CMSS1: variants seen among roughly 807,000 people sequenced by gnomAD.
The protein encoded by CMSS1 is protein CMSS1.
Under a neutral mutation model 43.5 loss-of-function variants are expected in CMSS1, and 33 were observed. That is an observed-to-expected ratio of 0.76 (90% CI 0.57 to 1.01). CMSS1 has a LOEUF of 1.01. Ranked by LOEUF, CMSS1 falls within the 50% of genes least tolerant of loss-of-function variation. The probability of loss-of-function intolerance (pLI) is 0.00; values close to 1 mark genes in which losing one functional copy is unlikely to be tolerated. For missense variants in CMSS1, 313 were observed against 326.4 expected (o/e 0.96, Z 0.32); for synonymous variants, 115 against 117.2 (o/e 0.98, Z 0.12).
intron 1 of CMSS1, among the ~76,000 whole-genome samples, chr3:99,938,105 G>A (rs1423220254): frequency 2.0e-5 from 3 of 152,146 alleles, no homozygotes; most frequent in African/African-American, 4.8e-5. Context: ...ATGCACACTC[G>A]TGCTGGGTGG....
rs1942351837 is a variant in CMSS1, at chr3:99,817,886, T to C, written c.-94T>C. 3 of 1,329,108 alleles carry C rather than the reference T, an allele frequency of 2.3e-6. No individual in the cohort carries two copies. Among genetic ancestry groups the C allele is most frequent in the East Asian group, 2.4e-5 (1 of 41,996 alleles). 82.3% of individuals were successfully genotyped at this position (1,329,108 alleles called of 1,614,324 possible). A position where few individuals can be genotyped will look rare whatever the true frequency, so the allele number is the denominator to read the frequency against. On this transcript the variant is annotated 5_prime_UTR_variant, in exon 1 of 10. Coordinates refer to ENST00000421999, the MANE Select transcript of CMSS1 (RefSeq NM_032359.4). ...CAGTGTCTAGCGGGAGCTCCGCGTG[T>C]AGCTACGCCGGCCGCCTGGCTTTGA...
At chr3:100,091,462 A>T (rs925937157) in intron 1 of CMSS1, among the ~76,000 whole-genome samples, 6 of 152,208 alleles carry the variant, frequency 3.9e-5, no homozygotes, top group African/African-American at 1.4e-4. Context: ...GAAATTAGGT[A>T]ACAAGAGCAG....
chr3:100,142,399 T>G (rs994536440), intron 1 of CMSS1, among the ~76,000 whole-genome samples: 2 of 152,226 alleles, frequency 1.3e-5, no homozygotes, highest in African/African-American at 4.8e-5. Flanking sequence ...GTATTTATAT[T>G]GTATCAGGTA....
chr3:99,964,850 A>C (rs2107708325), intron 1 of CMSS1, among the ~76,000 whole-genome samples: 1 of 152,256 alleles, frequency 6.6e-6, no homozygotes, highest in African/African-American at 2.4e-5. Context: ...GTAACTGTGG[A>C]AAAACTCTTT....
intron 1 of CMSS1, among the ~76,000 whole-genome samples, chr3:100,124,670 G>A (rs2066648713): frequency 6.6e-6 from 1 of 152,114 alleles, no homozygotes; most frequent in South Asian, 2.1e-4. Flanking sequence ...CATCCTAGAG[G>A]AGGAAATACA....
At chr3:99,847,690 T>C (rs1196657262) in intron 1 of CMSS1, among the ~76,000 whole-genome samples, 1 of 152,180 alleles carries the variant, frequency 6.6e-6, no homozygotes, top group African/African-American at 2.4e-5. Context: ...AAGCATGAAG[T>C]TATGTTTGCT....
At chr3:99,850,292 G>T in intron 1 of CMSS1, 2 of 1,613,772 alleles carry the variant, frequency 1.2e-6, no homozygotes, top group South Asian at 2.2e-5. Flanking sequence ...AAACTCTCCA[G>T]TTCTTGAGAC....
chr3:99,904,019 A>T (rs1706529356), intron 1 of CMSS1, among the ~76,000 whole-genome samples: 1 of 152,220 alleles, frequency 6.6e-6, no homozygotes, highest in African/African-American at 2.4e-5. Context: ...CTGTTGAGAT[A>T]TGCATCTTGT....
chr3:99,987,134 G>A (rs1309995121), intron 1 of CMSS1, among the ~76,000 whole-genome samples: 4 of 151,834 alleles, frequency 2.6e-5, no homozygotes, highest in African/African-American at 9.7e-5. Flanking sequence ...GGAGGCTGAG[G>A]CAGGAGGATC....
chr3:100,069,792 G>A (rs1362662432), intron 1 of CMSS1, among the ~76,000 whole-genome samples: 2 of 152,130 alleles, frequency 1.3e-5, no homozygotes, highest in Non-Finnish European at 2.9e-5. Context: ...AGAATGGAGG[G>A]CCAGTCTATT....
intron 1 of CMSS1, chr3:99,924,382 T>C: frequency 6.2e-7 from 1 of 1,614,076 alleles, no homozygotes; most frequent in Non-Finnish European, 8.5e-7. Context: ...TGTAAGATTC[T>C]TTATGTTTTT....
chr3:99,858,447 A>G (rs1333821900), intron 1 of CMSS1, among the ~76,000 whole-genome samples: 1 of 152,228 alleles, frequency 6.6e-6, no homozygotes, highest in East Asian at 1.9e-4. Context: ...CCTGGGCGAC[A>G]CAGCAAGACT....
At chr3:100,064,410 T>TC (rs2065627136) in intron 1 of CMSS1, among the ~76,000 whole-genome samples, 1 of 152,080 alleles carries the variant, frequency 6.6e-6, no homozygotes, top group Non-Finnish European at 1.5e-5. Context: ...TTTTTTTTTT[T>TC]CAACATTAAA....
At chr3:99,849,456 C>T in intron 1 of CMSS1, 7 of 1,614,046 alleles carry the variant, frequency 4.3e-6, no homozygotes, top group Non-Finnish European at 5.9e-6. Context: ...AGTGATCTCC[C>T]TGGAGGTGAC....
chr3:99,904,757 G>A (rs996259626), intron 1 of CMSS1, among the ~76,000 whole-genome samples: 1 of 151,952 alleles, frequency 6.6e-6, no homozygotes, highest in Non-Finnish European at 1.5e-5. Context: ...GCGAGACTTC[G>A]TTCTATCCAT....
chr3:99,904,306 A>G (rs1402699701), intron 1 of CMSS1, among the ~76,000 whole-genome samples: 1 of 152,210 alleles, frequency 6.6e-6, no homozygotes, highest in Non-Finnish European at 1.5e-5. Flanking sequence ...CTTGGAAGAG[A>G]TCTTTCAGTA....
intron 1 of CMSS1, among the ~76,000 whole-genome samples, chr3:99,885,322 TTGACTC>T (rs1705857971): frequency 6.6e-6 from 1 of 152,230 alleles, no homozygotes; most frequent in South Asian, 2.1e-4. Context: ...GACTTCCACT[TTGACTC>T]TGAGATTTAT....
chr3:100,088,907 A>AT (rs375015420), intron 1 of CMSS1, among the ~76,000 whole-genome samples: 11 of 151,170 alleles, frequency 7.3e-5, no homozygotes, highest in African/African-American at 1.2e-4. Context: ...TGTTATGTTT[A>AT]TTTTTTGTCC....
At chr3:100,084,615 T>C (rs2065979534) in intron 1 of CMSS1, among the ~76,000 whole-genome samples, 1 of 152,214 alleles carries the variant, frequency 6.6e-6, no homozygotes, top group Non-Finnish European at 1.5e-5. Context: ...GGAACTGATG[T>C]GGTTTTACTA....
Sources: allele counts gnomAD v4.1 joint callset (sites outside exome capture counted in the v4.1 genomes callset), GRCh38; gene constraint gnomAD v4.1.1; transcripts MANE v1.5; gene names NCBI Gene and HGNC (gene_info 2026-07-23, HGNC 2026-07-21).